The following AEBP2 variants were observed in gnomAD, a reference collection of about 807,000 sequenced individuals.
AEBP2 encodes zinc finger protein AEBP2.
In AEBP2, 10 loss-of-function variants were observed where a neutral mutation model predicts 50.8. That is an observed-to-expected ratio of 0.20 (90% CI 0.12 to 0.33). The LOEUF (loss-of-function observed/expected upper bound fraction) is 0.33. AEBP2 is among the 10% of genes least tolerant of loss of function. The probability of loss-of-function intolerance (pLI) is 1.00; values close to 1 mark genes in which losing one functional copy is unlikely to be tolerated. For synonymous variants in AEBP2, 296 were observed against 261.3 expected (o/e 1.13, Z -1.28); for missense variants, 570 against 688.0 (o/e 0.83, Z 1.92).
At chr12:19,491,550 A>G (rs1030813730) in intron 3 of AEBP2, among the ~76,000 whole-genome samples, 2 of 152,168 alleles carry the variant, frequency 1.3e-5, no homozygotes, top group African/African-American at 4.8e-5. Flanking sequence ...TAAGTATTTG[A>G]ACTAAAGTCT....
intron 1 of AEBP2, among the ~76,000 whole-genome samples, chr12:19,448,011 C>G (rs533674623): frequency 3.8e-4 from 58 of 152,290 alleles, no homozygotes; most frequent in African/African-American, 1.3e-3. Context: ...TCCAGGATCT[C>G]AAGGATATCT....
intron 1 of AEBP2, among the ~76,000 whole-genome samples, chr12:19,460,282 A>G (rs1948350395): frequency 6.6e-6 from 1 of 152,230 alleles, no homozygotes; most frequent in Admixed American, 6.5e-5. Flanking sequence ...ACTTAAGCTA[A>G]CAAAATTCAT....
intron 1 of AEBP2, among the ~76,000 whole-genome samples, chr12:19,429,258 G>A (rs1014354702): frequency 6.6e-6 from 1 of 152,114 alleles, no homozygotes. Flanking sequence ...ATAGTTTGCT[G>A]AGAATGATGG....
At chr12:19,493,352 G>GGTGTGAT (rs1337767374) in intron 3 of AEBP2, among the ~76,000 whole-genome samples, 8 of 152,144 alleles carry the variant, frequency 5.3e-5, no homozygotes, top group African/African-American at 1.9e-4. Context: ...AGTGAGCGGA[G>GGTGTGAT]ATCACACCAC....
chr12:19,502,428 C>T (rs905198218), intron 5 of AEBP2, among the ~76,000 whole-genome samples: 11 of 152,084 alleles, frequency 7.2e-5, no homozygotes, highest in African/African-American at 2.4e-4. Context: ...GCCACCATGC[C>T]CGGCCTATCT....
intron 5 of AEBP2, among the ~76,000 whole-genome samples, chr12:19,501,936 C>A (rs558685857): frequency 6.7e-6 from 1 of 149,244 alleles, no homozygotes; most frequent in Admixed American, 6.8e-5. Flanking sequence ...CAATAAAAAT[C>A]ATACAAATTA....
chr12:19,449,181 G>T (rs991223886), intron 1 of AEBP2, among the ~76,000 whole-genome samples: 1 of 152,072 alleles, frequency 6.6e-6, no homozygotes, highest in African/African-American at 2.4e-5. Flanking sequence ...CCTTAGGAAA[G>T]ATCTTTTTAT....
At chr12:19,514,808 T>C (rs1280800270) in intron 7 of AEBP2, 24 bp downstream of exon 7, 1 of 1,547,468 alleles carries the variant, frequency 6.5e-7, no homozygotes, top group Non-Finnish European at 8.8e-7. Context: ...TGCCTTTATG[T>C]TTTACTTTTT....
chr12:19,482,359 T>C (rs1762899950), intron 3 of AEBP2, among the ~76,000 whole-genome samples: 3 of 152,194 alleles, frequency 2.0e-5, no homozygotes, highest in Admixed American at 2.0e-4. Context: ...GTAGATATGT[T>C]GAGTGTACTT....
intron 5 of AEBP2, among the ~76,000 whole-genome samples, chr12:19,503,649 T>C (rs1949115059): frequency 6.6e-6 from 1 of 152,048 alleles, no homozygotes; most frequent in Non-Finnish European, 1.5e-5. Context: ...CTGTGTTGAA[T>C]AGGAATGGTG....
Position 19,416,498 on chromosome 12 carries a change from C to T in AEBP2, c.-17+12282C>T, listed in dbSNP as rs1012205482. On this transcript the variant is annotated intron_variant, in intron 1 of 3. Transcript: ENST00000538425. ...TTGGCTCACTGCAACCTCCGTCTCC[C>T]AGGCTCAAGCGATTCTCCTGCCTCA... Among the ~76,000 whole-genome samples, 3 of 151,860 alleles carry T rather than the reference C, an allele frequency of 2.0e-5. 1 individual carries two copies. Among genetic ancestry groups the T allele is most frequent in the African/African-American group, 7.3e-5 (3 of 41,304 alleles).
chr12:19,492,474 T>A (rs2096670296), intron 3 of AEBP2, among the ~76,000 whole-genome samples: 1 of 152,118 alleles, frequency 6.6e-6, no homozygotes, highest in African/African-American at 2.4e-5. Context: ...TTAATGGATA[T>A]TGTAGAGGGC....
chr12:19,441,504 A>G (rs1297626707), intron 1 of AEBP2, among the ~76,000 whole-genome samples: 2 of 152,200 alleles, frequency 1.3e-5, no homozygotes, highest in East Asian at 3.8e-4. Flanking sequence ...TTAGTGGTCG[A>G]TAGTGATTTT....
rs141930706 is a variant in AEBP2, at chr12:19,441,687, G to T, written c.671+1317G>T. Among the ~76,000 whole-genome samples, 522 of 152,294 alleles carry T rather than the reference G, an allele frequency of 3.4e-3. 3 individuals are homozygous for T. Among genetic ancestry groups the T allele is most frequent in the African/African-American group, 0.012 (487 of 41,562 alleles). On this transcript the variant is annotated intron_variant, in intron 1 of 7. Coordinates refer to ENST00000266508, the MANE Select transcript of AEBP2 (RefSeq NM_153207.5). The stretch of plus-strand genomic sequence containing the variant: ...TAAGAAAATATCTTCGGGTAAAGTA[G>T]ACTGTATAAACCTTAGAAAAATTGT...
chr12:19,481,659 A>G (rs1159662616), intron 3 of AEBP2, among the ~76,000 whole-genome samples: 1 of 151,826 alleles, frequency 6.6e-6, no homozygotes, highest in African/African-American at 2.4e-5. Flanking sequence ...TTGTATTTTT[A>G]GTAGAGACGG....
chr12:19,421,706 C>T (rs981681158), intron 1 of AEBP2, among the ~76,000 whole-genome samples: 1 of 152,144 alleles, frequency 6.6e-6, no homozygotes, highest in Non-Finnish European at 1.5e-5. Context: ...AGCAGGGGGG[C>T]CTGGAGGCCC....
At chr12:19,446,860 G>A (rs1346234784) in intron 1 of AEBP2, among the ~76,000 whole-genome samples, 2 of 152,116 alleles carry the variant, frequency 1.3e-5, no homozygotes, top group African/African-American at 4.8e-5. Flanking sequence ...CCAGGAGTCT[G>A]AGGCTGCAGT....
At chr12:19,428,343 G>A (rs1402835620) in intron 1 of AEBP2, among the ~76,000 whole-genome samples, 1 of 152,186 alleles carries the variant, frequency 6.6e-6, no homozygotes, top group Non-Finnish European at 1.5e-5. Context: ...GTCATCTAGA[G>A]GTCCATGTTT....
At chr12:19,409,058 C>T (rs544506008) in intron 1 of AEBP2, among the ~76,000 whole-genome samples, 16 of 151,838 alleles carry the variant, frequency 1.1e-4, no homozygotes, top group Admixed American at 7.2e-4. Flanking sequence ...GGCATAGAAT[C>T]GGGGAAAAAT....
Sources: allele counts gnomAD v4.1 joint callset (sites outside exome capture counted in the v4.1 genomes callset), GRCh38; gene constraint gnomAD v4.1.1; transcripts MANE v1.5; gene names NCBI Gene and HGNC (gene_info 2026-07-23, HGNC 2026-07-21).